SORCS2: variants seen among roughly 807,000 people sequenced by gnomAD.
SORCS2 encodes the protein sortilin related VPS10 domain containing receptor 2, also known as VPS10 domain-containing receptor SorCS2.
Under a neutral mutation model 141.6 loss-of-function variants are expected in SORCS2, and 100 were observed. The ratio of observed to expected loss-of-function variants is 0.71; its 90% CI spans 0.60 to 0.83. SORCS2 has a LOEUF of 0.83. Among genes scored for constraint, SORCS2 ranks in the 40% least tolerant of loss-of-function variants. The pLI is 0.00. For missense variants in SORCS2, 1,646 were observed against 1,560.2 expected (o/e 1.05, Z -0.93); for synonymous variants, 789 against 676.9 (o/e 1.17, Z -2.57).
At chr4:7,567,711 G>A (rs139279804) in intron 3 of SORCS2, among the ~76,000 whole-genome samples, 1 of 152,328 alleles carries the variant, frequency 6.6e-6, no homozygotes, top group African/African-American at 2.4e-5. Context: ...GGCAGCCCAT[G>A]TTTAAGGAGT....
At position 7,250,542 on chromosome 4, in the gene SORCS2, G is replaced by A. The variant is rs528392501; in HGVS notation, c.480+57416G>A. On this transcript the variant is annotated intron_variant, in intron 1 of 26. Coordinates refer to ENST00000507866, the MANE Select transcript of SORCS2 (RefSeq NM_020777.3). The stretch of plus-strand genomic sequence containing the variant: ...TTTATGTCCCTGAGACATATCGTTG[G>A]ATCCTGTGGAATAACTACGTTCCCA... Among the ~76,000 whole-genome samples, 47 of 152,344 alleles carry A rather than the reference G, an allele frequency of 3.1e-4. No individual in the cohort carries two copies. The South Asian group carries it at 9.3e-3, about 30-fold the overall frequency.
rs1208265120 is a variant in SORCS2 at position 7,262,334 on chromosome 4, C to CCA, written c.480+69208_480+69209insCA. Reference sequence around the variant, plus strand: ...ACCACCTATCCATCCATCCATCCATCTATCCATCCATCCATCCATCCATCC... The same window carrying CCA: ...ACCACCTATCCATCCATCCATCCATCCATATCCATCCATCCATCCATCCATCC... On this transcript the variant is annotated intron_variant, in intron 1 of 26. Transcript: ENST00000507866. 2.7e-3 allele frequency among the ~76,000 whole-genome samples: 385 copies of CCA among 144,172 alleles called. 2 individuals carry two copies. The highest frequency in any genetic ancestry group is 0.014 in the East Asian group (67 of 4,930). The allele number at this position is 144,172 out of a possible 152,430, so 94.6% of individuals were successfully genotyped here. A position where few individuals can be genotyped will look rare whatever the true frequency, so the allele number is the denominator to read the frequency against.
rs55874045 is a variant in SORCS2 at position 7,709,191 on chromosome 4, G to A, written c.1869-3542G>A. Among the ~76,000 whole-genome samples the A allele has an allele frequency of 1.2e-3, 183 of 152,334 alleles. 1 individual carries two copies. Among genetic ancestry groups the A allele is most frequent in the Non-Finnish European group, 1.6e-3 (106 of 68,028 alleles). ...TCCTGAGGCCAGAACCCGCAGAGCC[G>A]CGGGGGGCCAGCAGTGCAGGGGTGA... On this transcript the variant is annotated intron_variant, in intron 14 of 26. Coordinates refer to ENST00000507866, the MANE Select transcript of SORCS2 (RefSeq NM_020777.3).
chr4:7,314,408 T>C lies in SORCS2; in HGVS notation c.481-81880T>C, dbSNP rs529886582. On this transcript the variant is annotated intron_variant, in intron 1 of 26. Transcript: ENST00000507866. The stretch of plus-strand genomic sequence containing the variant: ...AGGCTGGAGTGCAGTGGCGTGATCT[T>C]GACTCCCTGCAAGCGTCGTCTCCTG... Among the ~76,000 whole-genome samples the C allele has an allele frequency of 1.2e-3, 174 of 150,162 alleles. 1 individual carries two copies. The highest frequency in any genetic ancestry group is 4.1e-3 in the African/African-American group (165 of 40,542).
At chr4:7,292,340 A>G (rs569396161) in intron 1 of SORCS2, among the ~76,000 whole-genome samples, 141 of 151,674 alleles carry the variant, frequency 9.3e-4, no homozygotes, top group African/African-American at 3.3e-3. Context: ...TCTGTTCACC[A>G]AGGAGGCTCC....
intron 2 of SORCS2, among the ~76,000 whole-genome samples, chr4:7,448,590 C>G (rs908009658): frequency 1.3e-5 from 1 of 78,266 alleles, no homozygotes; most frequent in Non-Finnish European, 2.6e-5. Flanking sequence ...TCTCCTTTCC[C>G]TCTCTTCCTC....
chr4:7,565,514 A>G (rs910193726), intron 3 of SORCS2, among the ~76,000 whole-genome samples: 1 of 152,228 alleles, frequency 6.6e-6, no homozygotes, highest in Admixed American at 6.5e-5. Context: ...GATAAAGATG[A>G]TGATTATGAT....
intron 2 of SORCS2, among the ~76,000 whole-genome samples, chr4:7,494,517 G>GAC (rs1337813312): frequency 1.3e-5 from 2 of 151,450 alleles, no homozygotes; most frequent in Admixed American, 6.6e-5. Flanking sequence ...TCATGGTGTA[G>GAC]AGAGAGAGAG....
intron 1 of SORCS2, among the ~76,000 whole-genome samples, chr4:7,312,764 G>T (rs527292089): frequency 1.3e-5 from 2 of 152,254 alleles, no homozygotes; most frequent in African/African-American, 4.8e-5. Context: ...GCTTACAGAG[G>T]AGCTCTGGCT....
At chr4:7,299,988 G>A (rs1463805327) in intron 1 of SORCS2, among the ~76,000 whole-genome samples, 2 of 152,228 alleles carry the variant, frequency 1.3e-5, no homozygotes, top group Admixed American at 6.5e-5. Context: ...ACAGGCAGGA[G>A]TCAGGGCTTG....
intron 6 of SORCS2, among the ~76,000 whole-genome samples, chr4:7,662,721 G>A (rs1217817940): frequency 6.6e-6 from 1 of 152,238 alleles, no homozygotes; most frequent in African/African-American, 2.4e-5. Context: ...AGCACCCACT[G>A]TCCACAGCTC....
intron 2 of SORCS2, among the ~76,000 whole-genome samples, chr4:7,422,918 G>A (rs556894864): frequency 1.1e-4 from 17 of 152,278 alleles, no homozygotes; most frequent in Admixed American, 1.3e-4. Context: ...GCGGGGATCC[G>A]CAGACCACGG....
At chr4:7,248,854 G>A (rs1713299828) in intron 1 of SORCS2, among the ~76,000 whole-genome samples, 1 of 152,356 alleles carries the variant, frequency 6.6e-6, no homozygotes, top group East Asian at 1.9e-4. Context: ...GCCAGGGTAT[G>A]AGGATAGCTC....
At chr4:7,483,701 TCCGTAC>T (rs981461708) in intron 2 of SORCS2, among the ~76,000 whole-genome samples, 3 of 150,982 alleles carry the variant, frequency 2.0e-5, no homozygotes, top group Non-Finnish European at 4.4e-5. Flanking sequence ...TTCCTGTGTT[TCCGTAC>T]CCTCTTGGGA....
intron 10 of SORCS2, 107 bp downstream of exon 10, chr4:7,682,996 G>C: frequency 7.3e-7 from 1 of 1,367,456 alleles, no homozygotes; most frequent in South Asian, 1.5e-5. Flanking sequence ...GACCATCTGA[G>C]ACACATGAAC....
intron 5 of SORCS2, among the ~76,000 whole-genome samples, chr4:7,655,341 C>T (rs1388900798): frequency 1.3e-5 from 2 of 152,206 alleles, no homozygotes; most frequent in African/African-American, 4.8e-5. Context: ...GGGCTTCCTA[C>T]CCGTCCCGAG....
chr4:7,389,057 G>A (rs1042513857), intron 1 of SORCS2, among the ~76,000 whole-genome samples: 2 of 152,158 alleles, frequency 1.3e-5, no homozygotes, highest in African/African-American at 2.4e-5. Context: ...GCCCCACTGC[G>A]GGTGGATCAT....
chr4:7,362,228 C>A (rs1721626472), intron 1 of SORCS2, among the ~76,000 whole-genome samples: 1 of 152,092 alleles, frequency 6.6e-6, no homozygotes, highest in Admixed American at 6.6e-5. Context: ...GCCAGTCGTC[C>A]TCTGAATGCC....
At chr4:7,736,194 C>T (rs1348745064) in intron 25 of SORCS2, among the ~76,000 whole-genome samples, 2 of 152,260 alleles carry the variant, frequency 1.3e-5, no homozygotes, top group African/African-American at 4.8e-5. Flanking sequence ...CAGTCAAAGC[C>T]CTCAGCCACA....
Sources: gnomAD v4.1 joint callset for allele counts (sites outside exome capture counted in the v4.1 genomes callset) on GRCh38, gnomAD v4.1.1 for gene constraint, MANE v1.5 for transcripts, NCBI Gene and HGNC (gene_info 2026-07-23, HGNC 2026-07-21) for gene names.